Variants in SLC12A8 observed in about 807,000 individuals in gnomAD.
SLC12A8 encodes the protein solute carrier family 12 member 8, also known as cation-chloride cotransporter 9.
In SLC12A8, 69 loss-of-function variants were observed where a neutral mutation model predicts 75.6. The ratio of observed to expected loss-of-function variants is 0.91; its 90% CI spans 0.75 to 1.11. SLC12A8 has a LOEUF of 1.11. Ranked by LOEUF, SLC12A8 falls within the 50% of genes most tolerant of loss-of-function variation. The pLI, the probability that SLC12A8 is intolerant of heterozygous loss-of-function variation, is 0.00. For synonymous variants in SLC12A8, 365 were observed against 372.8 expected, an observed-to-expected ratio of 0.98 and a Z score of 0.24; for missense variants, 877 against 896.7, an observed-to-expected ratio of 0.98 and a Z score of 0.28.
intron 12 of SLC12A8, among the ~76,000 whole-genome samples, chr3:125,089,634 T>G (rs1210471148): frequency 6.6e-6 from 1 of 150,542 alleles, no homozygotes; most frequent in Non-Finnish European, 1.5e-5. Flanking sequence ...AGTGCATTTC[T>G]TTCAAAGTGT....
At chr3:125,192,099 T>C (rs1934919385) in intron 2 of SLC12A8, among the ~76,000 whole-genome samples, 2 of 152,206 alleles carry the variant, frequency 1.3e-5, no homozygotes, top group Non-Finnish European at 1.5e-5. Context: ...CCCAACTTCC[T>C]GTCTCTGCTT....
chr3:125,202,397 G>A (rs1467814093), intron 2 of SLC12A8, among the ~76,000 whole-genome samples: 1 of 152,210 alleles, frequency 6.6e-6, no homozygotes, highest in Non-Finnish European at 1.5e-5. Context: ...AATCAGGCCA[G>A]GCGGCCAGAG....
At chr3:125,190,328 C>T (rs750801318) in intron 3 of SLC12A8, 47 bp downstream of exon 3, 2 of 1,604,354 alleles carry the variant, frequency 1.2e-6, no homozygotes, top group Non-Finnish European at 8.5e-7. Flanking sequence ...CAGAGCTTTC[C>T]TGTCTTGGGC....
chr3:125,176,383 T>C (rs1380586875), intron 5 of SLC12A8, among the ~76,000 whole-genome samples: 1 of 152,104 alleles, frequency 6.6e-6, no homozygotes, highest in African/African-American at 2.4e-5. Flanking sequence ...GTTTTTTTAA[T>C]AGCAAGAAAA....
At chr3:125,142,672 G>A (rs533033987) in intron 5 of SLC12A8, among the ~76,000 whole-genome samples, 6 of 152,356 alleles carry the variant, frequency 3.9e-5, no homozygotes, top group African/African-American at 1.4e-4. Flanking sequence ...TTGAGTCAGC[G>A]AGACCGGCAT....
chr3:125,129,952 G>C (rs1026869366), intron 6 of SLC12A8, among the ~76,000 whole-genome samples: 4 of 152,048 alleles, frequency 2.6e-5, no homozygotes, highest in Non-Finnish European at 5.9e-5. Flanking sequence ...GACCTCTGTC[G>C]GGTCCTTCAT....
At chr3:125,190,965 G>A (rs1462874900) in intron 2 of SLC12A8, among the ~76,000 whole-genome samples, 2 of 152,122 alleles carry the variant, frequency 1.3e-5, no homozygotes, top group African/African-American at 4.8e-5. Context: ...TTCACCTCCT[G>A]GGGCTCATGG....
At position 125,111,108 on chromosome 3, in the gene SLC12A8, C is replaced by G. The variant is rs140502903; in HGVS notation, c.913-773G>C. Among the ~76,000 whole-genome samples, 20 of 152,344 alleles carry G rather than the reference C, an allele frequency of 1.3e-4. No individual in the cohort carries two copies. The East Asian group carries it at 3.9e-3, about 29-fold the overall frequency. ...TGCTTCTCAGTGCTCCATAGCATCC[C>G]CAACATGATGTTAGGATAGCACCTA... On this transcript the variant is annotated intron_variant, in intron 8 of 13. Coordinates refer to ENST00000469902, the MANE Select transcript of SLC12A8 (RefSeq NM_024628.6).
At chr3:125,111,992 C>A (rs1660970814) in intron 8 of SLC12A8, among the ~76,000 whole-genome samples, 1 of 152,176 alleles carries the variant, frequency 6.6e-6, no homozygotes, top group African/African-American at 2.4e-5. Flanking sequence ...AGCTCTTTAT[C>A]TTTACTTCAT....
At chr3:125,169,879 C>T (rs1412179647) in intron 5 of SLC12A8, among the ~76,000 whole-genome samples, 4 of 151,908 alleles carry the variant, frequency 2.6e-5, no homozygotes, top group East Asian at 1.9e-4. Context: ...GGATGGACAG[C>T]GACTACCAGA....
intron 2 of SLC12A8, among the ~76,000 whole-genome samples, chr3:125,208,747 TACACACACACACACACAC>T (rs61130966): frequency 5.7e-5 from 5 of 87,378 alleles, no homozygotes; most frequent in African/African-American, 1.7e-4. Context: ...CTGACCAATC[TACACACACACACACACAC>T]ACACACACAC....
intron 5 of SLC12A8, among the ~76,000 whole-genome samples, chr3:125,141,974 G>T (rs1054858359): frequency 6.6e-6 from 1 of 152,200 alleles, no homozygotes; most frequent in Non-Finnish European, 1.5e-5. Flanking sequence ...AGGGCGTCGG[G>T]GGAAGTGGTA....
intron 13 of SLC12A8, among the ~76,000 whole-genome samples, chr3:125,085,717 C>T (rs1020053217): frequency 6.6e-6 from 1 of 151,840 alleles, no homozygotes; most frequent in Non-Finnish European, 1.5e-5. Flanking sequence ...GCTGGGATTA[C>T]AGGTGTGCAC....
chr3:125,156,276 G>A (rs1271506156), intron 5 of SLC12A8, among the ~76,000 whole-genome samples: 1 of 152,230 alleles, frequency 6.6e-6, no homozygotes, highest in Non-Finnish European at 1.5e-5. Context: ...GCTGGCCAAG[G>A]TTCACCAGAG....
chr3:125,156,438 T>C (rs1285045064), intron 5 of SLC12A8, among the ~76,000 whole-genome samples: 4 of 152,214 alleles, frequency 2.6e-5, no homozygotes, highest in Non-Finnish European at 2.9e-5. Flanking sequence ...TAAATACTTA[T>C]GGCAGGATCT....
At chr3:125,157,771 C>T (rs1266954649) in intron 5 of SLC12A8, among the ~76,000 whole-genome samples, 2 of 152,172 alleles carry the variant, frequency 1.3e-5, no homozygotes, top group Non-Finnish European at 2.9e-5. Context: ...TCTCAGAAAC[C>T]CCAAGGTCAA....
At chr3:125,143,964 C>A (rs1933708913) in intron 5 of SLC12A8, among the ~76,000 whole-genome samples, 1 of 152,228 alleles carries the variant, frequency 6.6e-6, no homozygotes, top group Non-Finnish European at 1.5e-5. Flanking sequence ...AGAATGGTTT[C>A]TAATAACCAA....
chr3:125,136,845 T>C (rs1420551826), intron 5 of SLC12A8, among the ~76,000 whole-genome samples: 1 of 152,200 alleles, frequency 6.6e-6, no homozygotes, highest in South Asian at 2.1e-4. Context: ...TCTGTGAACA[T>C]GCTAGTGGGC....
chr3:125,092,306 A>G (rs1180717734), intron 10 of SLC12A8, 108 bp from the exon 11 acceptor site: 1 of 675,508 alleles, frequency 1.5e-6, no homozygotes, highest in African/African-American at 1.8e-5. Flanking sequence ...ACTTAGCCTA[A>G]AAGACATCTC....
Sources: allele counts gnomAD v4.1 joint callset (sites outside exome capture counted in the v4.1 genomes callset), GRCh38; gene constraint gnomAD v4.1.1; transcripts MANE v1.5; gene names NCBI Gene and HGNC (gene_info 2026-07-23, HGNC 2026-07-21).